Variants in FRMD4B observed in about 807,000 individuals in gnomAD.
FRMD4B encodes the protein FERM domain-containing protein 4B.
In FRMD4B, 74 loss-of-function variants were observed where a neutral mutation model predicts 141.5. The ratio of observed to expected loss-of-function variants is 0.52; its 90% confidence interval spans 0.43 to 0.63. The LOEUF (loss-of-function observed/expected upper bound fraction) is 0.63. Ranked by LOEUF, FRMD4B falls within the 30% of genes least tolerant of loss-of-function variation. The probability of loss-of-function intolerance (pLI) is 0.00; values close to 1 mark genes in which losing one functional copy is unlikely to be tolerated. For missense variants in FRMD4B, 1,366 were observed against 1,253.4 expected (o/e 1.09, Z -1.36); for synonymous variants, 506 against 467.9 (o/e 1.08, Z -1.05).
intron 5 of FRMD4B, among the ~76,000 whole-genome samples, chr3:69,266,776 TG>T: frequency 6.6e-6 from 1 of 152,360 alleles, no homozygotes; most frequent in South Asian, 2.1e-4. Flanking sequence ...AGATCACCAC[TG>T]GAGGCCAAGA....
chr3:69,228,578 T>G (rs1270542376), intron 7 of FRMD4B: 6 of 424,268 alleles, frequency 1.4e-5, no homozygotes, highest in Admixed American at 1.3e-4. Flanking sequence ...CTCATGCCTA[T>G]AATCCCAACA....
At chr3:69,472,392 T>C in intron 1 of FRMD4B, 2 of 495,474 alleles carry the variant, frequency 4.0e-6, no homozygotes, top group Admixed American at 2.1e-5. Flanking sequence ...ATTCTTAATA[T>C]CTTGGAAGTG....
intron 1 of FRMD4B, among the ~76,000 whole-genome samples, chr3:69,475,135 T>G (rs1705963068): frequency 6.6e-6 from 1 of 152,174 alleles, no homozygotes; most frequent in Non-Finnish European, 1.5e-5. Context: ...AGTGCTGTTG[T>G]GAGGATCACA....
Position 69,218,326 on chromosome 3 carries a change from A to G in FRMD4B, c.785T>C (p.Val262Ala). 2 of 1,481,590 alleles carry G rather than the reference A, an allele frequency of 1.3e-6. No individual in the cohort carries two copies. The highest frequency in any genetic ancestry group is 1.9e-6 in the Non-Finnish European group (2 of 1,065,606). 91.8% of individuals were successfully genotyped at this position (1,481,590 alleles called of 1,614,324 possible). Residue 262 changes from valine to alanine, a missense_variant, in exon 10 of 23, where the codon GTA becomes GCA. Transcript: ENST00000398540. ...TTGTCATGTAAAATTACTTACCTTT[A>G]CTGCATAATAATGGACACCGTAAGT... ...LPTYGVHYYA[V>A]KDKQGLPWWL...
intron 1 of FRMD4B, among the ~76,000 whole-genome samples, chr3:69,438,003 A>C (rs1455232653): frequency 6.9e-6 from 1 of 143,952 alleles, no homozygotes; most frequent in Admixed American, 7.1e-5. Flanking sequence ...AGTATATATA[A>C]TACTGTTATA....
chr3:69,507,387 T>C (rs568974006), intron 1 of FRMD4B, among the ~76,000 whole-genome samples: 1 of 151,410 alleles, frequency 6.6e-6, no homozygotes, highest in Non-Finnish European at 1.5e-5. Context: ...ATGTGTAAGT[T>C]TGTGTGTGTG....
chr3:69,310,417 T>C (rs1038169844), intron 3 of FRMD4B: 1 of 456,082 alleles, frequency 2.2e-6, no homozygotes, highest in African/African-American at 2.0e-5. Flanking sequence ...ACACATCTTC[T>C]TGCATTTTAA....
chr3:69,517,102 TCAGA>T (rs1169322406), intron 1 of FRMD4B, among the ~76,000 whole-genome samples: 1 of 152,246 alleles, frequency 6.6e-6, no homozygotes, highest in Admixed American at 6.5e-5. Flanking sequence ...GATTTAATGG[TCAGA>T]CAATTTACCT....
chr3:69,370,748 T>C (rs1040025277), intron 1 of FRMD4B, among the ~76,000 whole-genome samples: 5 of 152,192 alleles, frequency 3.3e-5, no homozygotes, highest in African/African-American at 7.2e-5. Flanking sequence ...TCTTCTCATA[T>C]CATGTGCTGC....
intron 1 of FRMD4B, among the ~76,000 whole-genome samples, chr3:69,451,007 T>C (rs17005899): frequency 0.014 from 2,153 of 152,290 alleles, 53 homozygotes; most frequent in African/African-American, 0.048. Flanking sequence ...TTTTAGATTA[T>C]GTACAAGGCT....
At chr3:69,239,471 C>T (rs555728275) in intron 7 of FRMD4B, among the ~76,000 whole-genome samples, 2 of 152,088 alleles carry the variant, frequency 1.3e-5, no homozygotes, top group African/African-American at 2.4e-5. Context: ...TTTTTCTAAA[C>T]GTCAGCCAGC....
chr3:69,524,875 G>A (rs72937452), intron 1 of FRMD4B, among the ~76,000 whole-genome samples: 6,044 of 152,284 alleles, frequency 0.04, 337 homozygotes, highest in East Asian at 0.12. Context: ...AAAAGGTGTG[G>A]GTTATTCCTA....
intron 1 of FRMD4B, among the ~76,000 whole-genome samples, chr3:69,497,250 T>C (rs892944848): frequency 2.0e-5 from 3 of 152,176 alleles, no homozygotes; most frequent in Admixed American, 6.5e-5. Context: ...AGATATAAAT[T>C]TATTTTGTTA....
At chr3:69,278,350 G>A (rs1366017070) in intron 5 of FRMD4B, among the ~76,000 whole-genome samples, 2 of 152,180 alleles carry the variant, frequency 1.3e-5, no homozygotes, top group Non-Finnish European at 2.9e-5. Context: ...CCAGGTGGGA[G>A]TGCGGTGGCA....
At chr3:69,475,105 A>C (rs1053024057) in intron 1 of FRMD4B, among the ~76,000 whole-genome samples, 15 of 152,160 alleles carry the variant, frequency 9.9e-5, no homozygotes, top group Non-Finnish European at 5.9e-5. Context: ...AAACAGGGCC[A>C]GGTTATTACT....
chr3:69,540,636 A>AAATATAT (rs1553652109), intron 1 of FRMD4B, among the ~76,000 whole-genome samples: 1 of 69,540 alleles, frequency 1.4e-5, no homozygotes, highest in Non-Finnish European at 2.4e-5. Flanking sequence ...AAAAAAAAAA[A>AAATATAT]ATATATATAT....
intron 3 of FRMD4B, 82 bp from the exon 4 acceptor site, chr3:69,302,517 G>T (rs571046592): frequency 1.2e-6 from 1 of 826,908 alleles, no homozygotes; most frequent in Non-Finnish European, 2.1e-6. Context: ...AAGCTGTGGC[G>T]AAATAGTTGC....
chr3:69,311,196 T>C (rs1392722760), intron 3 of FRMD4B, 67 bp downstream of exon 3: 3 of 707,278 alleles, frequency 4.2e-6, no homozygotes, highest in African/African-American at 3.5e-5. Context: ...TTTTTGTTAA[T>C]TATGGAAGAC....
chr3:69,313,878 G>A (rs1487317516), intron 1 of FRMD4B, among the ~76,000 whole-genome samples: 6 of 151,044 alleles, frequency 4.0e-5, no homozygotes, highest in African/African-American at 9.8e-5. Context: ...GGTGGCTCAC[G>A]CCTGTAATCC....
Sources: allele counts gnomAD v4.1 joint callset (sites outside exome capture counted in the v4.1 genomes callset), GRCh38; gene constraint gnomAD v4.1.1; transcripts MANE v1.5; gene names NCBI Gene and HGNC (gene_info 2026-07-23, HGNC 2026-07-21).